Variants in HAVCR2 observed in about 807,000 individuals in gnomAD.
HAVCR2 encodes the protein hepatitis A virus cellular receptor 2.
Under a neutral mutation model 24.7 loss-of-function variants are expected in HAVCR2, and 13 were observed. That is an observed-to-expected ratio of 0.53 (90% CI 0.34 to 0.84). The LOEUF (loss-of-function observed/expected upper bound fraction) is 0.84. HAVCR2 is among the 40% of genes least tolerant of loss of function. The pLI is 0.01. For missense variants in HAVCR2, 343 were observed against 371.2 expected, an observed-to-expected ratio of 0.92 and a Z score of 0.62; for synonymous variants, 154 against 143.4, an observed-to-expected ratio of 1.07 and a Z score of -0.53.
intron 3 of HAVCR2, among the ~76,000 whole-genome samples, chr5:157,104,045 GA>G (rs5872499): frequency 0.83 from 126,244 of 151,484 alleles, 52,692 homozygotes; most frequent in East Asian, 0.99. Context: ...TTTTACAGAA[GA>G]AAAAAAAAAT....
chr5:157,101,260 T>C (rs1757162546), intron 3 of HAVCR2, among the ~76,000 whole-genome samples: 1 of 152,302 alleles, frequency 6.6e-6, no homozygotes, highest in Middle Eastern at 3.4e-3. Context: ...GCTATGAAAA[T>C]GATCAGTAAA....
chr5:157,088,882 G>T, intron 6 of HAVCR2, 59 bp downstream of exon 6: 1 of 1,402,192 alleles, frequency 7.1e-7, no homozygotes, highest in Non-Finnish European at 1.0e-6. Context: ...GATCAGACAT[G>T]TTAGAGTAGG....
rs781177209 is a variant in HAVCR2 at position 157,095,375 on chromosome 5, T to C, written c.607A>G (p.Ile203Val). 1 of 1,614,148 alleles carries C rather than the reference T, an allele frequency of 6.2e-7. No homozygotes were observed. Among genetic ancestry groups the C allele is most frequent in the Non-Finnish European group, 8.5e-7 (1 of 1,180,012 alleles). The change falls in exon 5 of 7, where the codon ATC becomes GTC. Residue 203 changes from isoleucine to valine, a missense_variant. Coordinates refer to ENST00000307851, the MANE Select transcript of HAVCR2 (RefSeq NM_032782.5). ...GCACAGATCCCTGCTCCGATGTAGA[T>C]GCCTATTCTGATGGTTGCTCCAGAG... is the stretch of plus-strand genomic sequence containing the variant. ...RDSGATIRIG[I>V]YIGAGICAGL...
At chr5:157,108,328 A>G (rs935642492) in intron 1 of HAVCR2, among the ~76,000 whole-genome samples, 3 of 151,964 alleles carry the variant, frequency 2.0e-5, no homozygotes, top group Non-Finnish European at 2.9e-5. Flanking sequence ...ACTAAAAATT[A>G]AAAACATTAG....
At chr5:157,101,061 A>G (rs1196004215) in intron 3 of HAVCR2, among the ~76,000 whole-genome samples, 2 of 151,978 alleles carry the variant, frequency 1.3e-5, no homozygotes, top group Non-Finnish European at 2.9e-5. Context: ...ACACCATTGC[A>G]CTCCAGCCTG....
At chr5:157,105,013 T>C in intron 2 of HAVCR2, 1 of 224,258 alleles carries the variant, frequency 4.5e-6, no homozygotes, top group Non-Finnish European at 8.7e-6. Context: ...TAATTACAGG[T>C]TGAAGACTCC....
intron 5 of HAVCR2, 139 bp from the exon 6 acceptor site, chr5:157,089,116 C>T (rs1212679701): frequency 8.9e-6 from 6 of 674,210 alleles, no homozygotes; most frequent in Non-Finnish European, 1.5e-5. Flanking sequence ...AAACTCTCAA[C>T]GTGTGCCTTA....
chr5:157,090,641 C>T (rs533951924), intron 5 of HAVCR2, among the ~76,000 whole-genome samples: 1 of 152,036 alleles, frequency 6.6e-6, no homozygotes, highest in Admixed American at 6.6e-5. Context: ...TCTTGGCCTC[C>T]CGAAGTGTTA....
chr5:157,093,757 C>T (rs529319472), intron 5 of HAVCR2, among the ~76,000 whole-genome samples: 24 of 152,160 alleles, frequency 1.6e-4, no homozygotes, highest in African/African-American at 5.8e-4. Flanking sequence ...ACATCTTGCC[C>T]AACATGGTGA....
chr5:157,088,359 T>C (rs1214168557), intron 6 of HAVCR2, among the ~76,000 whole-genome samples: 2 of 152,000 alleles, frequency 1.3e-5, no homozygotes, highest in Admixed American at 6.6e-5. Flanking sequence ...AAGACAGGAG[T>C]CTATAACAGA....
At chr5:157,094,017 A>G (rs1270147847) in intron 5 of HAVCR2, among the ~76,000 whole-genome samples, 1 of 151,960 alleles carries the variant, frequency 6.6e-6, no homozygotes, top group African/African-American at 2.4e-5. Context: ...TTCTCCATCA[A>G]AATTCATCAA....
chr5:157,106,982 G>A lies in HAVCR2; in HGVS notation c.59-20C>T. On this transcript the variant is annotated intron_variant, in intron 1 of 6. Coordinates refer to ENST00000307851, the MANE Select transcript of HAVCR2 (RefSeq NM_032782.5). ...AGGACCCTGCATAGAGAGAGAAGGA[G>A]AGCCAAGACTCAAGCGGTGAGTGAG... The A allele has an allele frequency of 6.3e-7, 1 of 1,586,044 alleles. No homozygotes were observed. Among genetic ancestry groups the A allele is most frequent in the Admixed American group, 1.8e-5 (1 of 56,968 alleles).
intron 5 of HAVCR2, among the ~76,000 whole-genome samples, chr5:157,090,132 T>C (rs1756976447): frequency 3.7e-5 from 5 of 136,746 alleles, no homozygotes; most frequent in Admixed American, 2.2e-4. Flanking sequence ...CTTTTTTTTT[T>C]TTTTTTTTTT....
rs552358033 is a variant in HAVCR2, at chr5:157,106,766, A to C, written c.255T>G (p.Asn85Lys). 1 of 1,614,052 alleles carries C rather than the reference A, an allele frequency of 6.2e-7. No homozygotes were observed. The highest frequency in any genetic ancestry group is 8.5e-7 in the Non-Finnish European group (1 of 1,180,036). Residue 85 changes from asparagine (N) to lysine (K), a missense_variant, in exon 2 of 7, where the codon AAT (asparagine) becomes AAG (lysine). Coordinates refer to ENST00000307851, the MANE Select transcript of HAVCR2 (RefSeq NM_032782.5). Reference sequence around the variant, plus strand: ...ACACATCTCCTTTGCGGAAATCCCCATTTAGCCAGTATCTGGATGTCCAAT... The same window carrying C: ...ACACATCTCCTTTGCGGAAATCCCCCTTTAGCCAGTATCTGGATGTCCAAT... ...VNYWTSRYWLNGDFRKGDVSL... is the reference protein window; with the variant it reads ...VNYWTSRYWLKGDFRKGDVSL...
At chr5:157,097,960 G>A (rs1380192605) in intron 4 of HAVCR2, among the ~76,000 whole-genome samples, 1 of 152,016 alleles carries the variant, frequency 6.6e-6, no homozygotes, top group African/African-American at 2.4e-5. Context: ...ATTAAGGTAT[G>A]GCTTTATTTA....
At chr5:157,095,725 A>AAAG (rs1757087226) in intron 4 of HAVCR2, among the ~76,000 whole-genome samples, 3 of 151,268 alleles carry the variant, frequency 2.0e-5, no homozygotes, top group East Asian at 1.9e-4. Context: ...AAAAAAAAAA[A>AAAG]AGAGAGAAGG....
chr5:157,108,938 G>T lies in HAVCR2; in HGVS notation c.46C>A (p.Leu16Ile). 1 of 1,576,686 alleles carries T rather than the reference G, an allele frequency of 6.3e-7. No homozygotes were observed. Among genetic ancestry groups the T allele is most frequent in the Non-Finnish European group, 8.7e-7 (1 of 1,152,522 alleles). Reference protein sequence around the residue: ...PFDCVLLLLLLLLTRSSEVEY... With the variant: ...PFDCVLLLLLILLTRSSEVEY... ...TGCCGAGACTTACTTGTAAGTAGTA[G>T]CAGCAGCAGCAGCAGGACACAGTCA... Residue 16 changes from leucine to isoleucine, a missense_variant, in exon 1 of 7, where the codon CTA (leucine) becomes ATA (isoleucine). Coordinates refer to ENST00000307851, the MANE Select transcript of HAVCR2 (RefSeq NM_032782.5).
chr5:157,095,439 A>G lies in HAVCR2; in HGVS notation c.543T>C (p.Asn181=). Residue 181 remains asparagine (N), a synonymous_variant, in exon 5 of 7, where the codon AAT becomes AAC. Transcript: ENST00000307851. ...TGGCCAATCTAGAGTCCCGTAACTC[A>G]TTGGCCAATGTGGATATTTGCTATG... is the stretch of plus-strand genomic sequence containing the variant. ...INLTQISTLA[N]ELRDSRLAND... is the part of the protein sequence containing the mutation. The G allele has an allele frequency of 1.2e-6, 2 of 1,614,102 alleles. No individual in the cohort carries two copies. Among genetic ancestry groups the G allele is most frequent in the Non-Finnish European group, 1.7e-6 (2 of 1,180,010 alleles).
Position 157,085,894 on chromosome 5 carries a change from G to A in HAVCR2, c.*1208C>T, listed in dbSNP as rs1320128487. The stretch of plus-strand genomic sequence containing the variant: ...TGTCAGAATTGTGCTAGGCGCAGGG[G>A]GCAACAATAAGCAAGACAGATCAAG... On this transcript the variant is annotated 3_prime_UTR_variant, in exon 7 of 7. Transcript: ENST00000307851. 5 of 152,116 alleles carry A rather than the reference G, an allele frequency of 3.3e-5. No homozygotes were observed. Among genetic ancestry groups the A allele is most frequent in the African/African-American group, 1.2e-4 (5 of 41,408 alleles). The allele number at this position is 152,116 out of a possible 1,614,324, so 9.4% of individuals were successfully genotyped here.
Sources: gnomAD v4.1 joint callset for allele counts (sites outside exome capture counted in the v4.1 genomes callset) on GRCh38, gnomAD v4.1.1 for gene constraint, MANE v1.5 for transcripts, NCBI Gene and HGNC (gene_info 2026-07-23, HGNC 2026-07-21) for gene names.